Variants in CTNNA3 observed in about 807,000 individuals in gnomAD.
CTNNA3 encodes the protein catenin alpha-3.
In CTNNA3, 76 loss-of-function variants were observed where a neutral mutation model predicts 95.7. That is an observed-to-expected ratio of 0.79 (90% CI 0.66 to 0.96). The LOEUF (loss-of-function observed/expected upper bound fraction) is 0.96, where lower values mean the gene tolerates loss of function less well. Ranked by LOEUF, CTNNA3 falls within the 40% of genes least tolerant of loss-of-function variation. The pLI is 0.00. For missense variants in CTNNA3, 1,191 were observed against 1,089.8 expected (o/e 1.09, Z -1.31); for synonymous variants, 431 against 374.4 (o/e 1.15, Z -1.74).
chr10:67,280,686 G>A (rs995748683), intron 5 of CTNNA3, among the ~76,000 whole-genome samples: 1 of 152,020 alleles, frequency 6.6e-6, no homozygotes, highest in African/African-American at 2.4e-5. Context: ...TGCATTGCAG[G>A]CATGCCCAGG....
intron 15 of CTNNA3, among the ~76,000 whole-genome samples, chr10:66,050,337 G>T (rs1201768366): frequency 1.7e-5 from 2 of 114,340 alleles, no homozygotes; most frequent in African/African-American, 2.9e-5. Context: ...TCACATTTCA[G>T]TAAAAAAAAA....
intron 4 of CTNNA3, among the ~76,000 whole-genome samples, chr10:67,525,775 C>A (rs1166527227): frequency 6.6e-6 from 1 of 152,228 alleles, no homozygotes; most frequent in African/African-American, 2.4e-5. Context: ...AGAGCTCCAG[C>A]AGCCTACTAA....
At chr10:67,232,264 A>C (rs1274585539) in intron 5 of CTNNA3, among the ~76,000 whole-genome samples, 2 of 152,216 alleles carry the variant, frequency 1.3e-5, no homozygotes, top group African/African-American at 4.8e-5. Context: ...CCAGAGACAA[A>C]GCTTGGGTTA....
chr10:67,642,429 G>C (rs974739616), intron 2 of CTNNA3, among the ~76,000 whole-genome samples: 1 of 152,108 alleles, frequency 6.6e-6, no homozygotes, highest in African/African-American at 2.4e-5. Flanking sequence ...ATGAAAAAAA[G>C]TTTATCAGCT....
At chr10:66,238,978 A>G (rs1195239401) in intron 13 of CTNNA3, among the ~76,000 whole-genome samples, 1 of 151,862 alleles carries the variant, frequency 6.6e-6, no homozygotes, top group Non-Finnish European at 1.5e-5. Context: ...ATCAACAAAG[A>G]AACTCTAATG....
intron 9 of CTNNA3, among the ~76,000 whole-genome samples, chr10:66,677,479 T>A (rs1461954736): frequency 6.6e-6 from 1 of 152,028 alleles, no homozygotes; most frequent in African/African-American, 2.4e-5. Context: ...TATGGCTGTG[T>A]TCCCACCCAA....
At chr10:67,365,669 T>C (rs1025862316) in intron 5 of CTNNA3, among the ~76,000 whole-genome samples, 47 of 152,028 alleles carry the variant, frequency 3.1e-4, no homozygotes, top group Non-Finnish European at 4.3e-4. Context: ...ATCAAAACTA[T>C]GATGAGATAC....
chr10:67,641,711 C>A lies in CTNNA3; in HGVS notation c.99+5704G>T, dbSNP rs999819849. Among the ~76,000 whole-genome samples the A allele has an allele frequency of 5.3e-4, 80 of 152,236 alleles. 1 individual carries two copies. The highest frequency in any genetic ancestry group is 1.7e-3 in the African/African-American group (70 of 41,516). ...GATGAGTTCATGTCCTTTGTAGGGA[C>A]ATGGATGAAGCTGGAAACCATCATT... On this transcript the variant is annotated intron_variant, in intron 2 of 17. Transcript: ENST00000433211.
chr10:67,598,805 G>A (rs997818369), intron 3 of CTNNA3, among the ~76,000 whole-genome samples: 2 of 151,838 alleles, frequency 1.3e-5, no homozygotes, highest in Non-Finnish European at 2.9e-5. Context: ...ACAGAGTCTG[G>A]GAAAGGACAG....
intron 9 of CTNNA3, among the ~76,000 whole-genome samples, chr10:66,626,722 G>A (rs1844947785): frequency 6.6e-6 from 1 of 152,094 alleles, no homozygotes; most frequent in South Asian, 2.1e-4. Context: ...TCAACTTGTG[G>A]GATAAGAGAG....
intron 15 of CTNNA3, among the ~76,000 whole-genome samples, chr10:66,062,826 C>T (rs1481345895): frequency 1.3e-5 from 2 of 152,194 alleles, no homozygotes; most frequent in South Asian, 2.1e-4. Context: ...TTTTGTAAAA[C>T]ATGAAATGTG....
At chr10:66,837,138 TA>T (rs1486660842) in intron 7 of CTNNA3, among the ~76,000 whole-genome samples, 1 of 152,164 alleles carries the variant, frequency 6.6e-6, no homozygotes, top group Non-Finnish European at 1.5e-5. Flanking sequence ...TCTCTTGCCT[TA>T]AATTTACTTA....
At chr10:66,746,277 G>C (rs1838869638) in intron 9 of CTNNA3, among the ~76,000 whole-genome samples, 1 of 151,996 alleles carries the variant, frequency 6.6e-6, no homozygotes, top group African/African-American at 2.4e-5. Flanking sequence ...AATATTTTAT[G>C]AAAGGTATAA....
At chr10:67,364,822 G>C (rs1265938338) in intron 5 of CTNNA3, among the ~76,000 whole-genome samples, 1 of 152,112 alleles carries the variant, frequency 6.6e-6, no homozygotes. Context: ...TACATTCAAT[G>C]CCATACCCAT....
At chr10:66,621,241 T>C (rs1844735607) in intron 10 of CTNNA3, among the ~76,000 whole-genome samples, 1 of 152,138 alleles carries the variant, frequency 6.6e-6, no homozygotes, top group Non-Finnish European at 1.5e-5. Flanking sequence ...CCTCAGGAGA[T>C]TCCAATATGG....
intron 5 of CTNNA3, among the ~76,000 whole-genome samples, chr10:67,268,845 A>C (rs965310100): frequency 2.0e-5 from 3 of 152,174 alleles, no homozygotes; most frequent in Non-Finnish European, 4.4e-5. Context: ...AAAATATCTC[A>C]ATCTTTAATT....
intron 10 of CTNNA3, among the ~76,000 whole-genome samples, chr10:66,554,672 A>G (rs984812939): frequency 4.6e-5 from 7 of 152,072 alleles, no homozygotes; most frequent in Non-Finnish European, 5.9e-5. Flanking sequence ...TTACCCTTCT[A>G]GGATTTCTAT....
chr10:67,647,655 G>A, intron 1 of CTNNA3, 137 bp from the exon 2 acceptor site: 1 of 607,808 alleles, frequency 1.6e-6, no homozygotes. Context: ...CAGAGGACCA[G>A]GCTACAAAAT....
chr10:67,100,471 T>C (rs549480017), intron 7 of CTNNA3, among the ~76,000 whole-genome samples: 23 of 151,924 alleles, frequency 1.5e-4, no homozygotes, highest in Non-Finnish European at 2.8e-4. Context: ...TCTGGAATCT[T>C]TATCACATAT....
Sources: allele counts gnomAD v4.1 joint callset (sites outside exome capture counted in the v4.1 genomes callset), GRCh38; gene constraint gnomAD v4.1.1; transcripts MANE v1.5; gene names NCBI Gene and HGNC (gene_info 2026-07-23, HGNC 2026-07-21).